Variants in PIEZO1 observed in about 807,000 individuals in gnomAD.
The protein encoded by PIEZO1 is piezo type mechanosensitive ion channel component 1 (Er blood group), also known as piezo-type mechanosensitive ion channel component 1.
Under a neutral mutation model 297.2 loss-of-function variants are expected in PIEZO1, and 296 were observed. The observed-to-expected ratio is 1.00, with a 90% CI of 0.91 to 1.10. PIEZO1 has a LOEUF of 1.10. PIEZO1 is among the 50% of genes least tolerant of loss of function. The pLI is 0.00. For synonymous variants in PIEZO1, 2,427 were observed against 1,507.5 expected, an observed-to-expected ratio of 1.61 and a Z score of -14.13; for missense variants, 5,018 against 3,455.5, an observed-to-expected ratio of 1.45 and a Z score of -11.34.
chr16:88,722,076 G>A lies in PIEZO1; in HGVS notation c.4956-10C>T, dbSNP rs1190420258. On this transcript the variant is annotated splice_polypyrimidine_tract_variant and intron_variant, in intron 36 of 50. Coordinates refer to ENST00000301015, the MANE Select transcript of PIEZO1 (RefSeq NM_001142864.4). ...TGGGATGCGCAGGCGCCTACAGGGA[G>A]ACCCGCGTGTTTGGGGGAGTCTGGG... The A allele has an allele frequency of 1.3e-6, 2 of 1,541,454 alleles. No homozygotes were observed. The highest frequency in any genetic ancestry group is 1.4e-5 in the African/African-American group (1 of 72,844).
At chr16:88,756,819 G>A (rs965961997) in intron 1 of PIEZO1, among the ~76,000 whole-genome samples, 1 of 151,990 alleles carries the variant, frequency 6.6e-6, no homozygotes, top group Non-Finnish European at 1.5e-5. Context: ...GCTCATGCCT[G>A]TAATCCCAGC....
intron 1 of PIEZO1, among the ~76,000 whole-genome samples, chr16:88,753,425 A>G (rs1280064247): frequency 1.3e-5 from 2 of 150,348 alleles, no homozygotes; most frequent in African/African-American, 4.9e-5. Context: ...CAGCCTTGCC[A>G]CAGACACCAA....
chr16:88,733,188 C>A, intron 19 of PIEZO1, 90 bp downstream of exon 19: 1 of 1,243,422 alleles, frequency 8.0e-7, no homozygotes, highest in Non-Finnish European at 1.1e-6. Context: ...GCTGGCCCCA[C>A]TGCACTGAGG....
intron 2 of PIEZO1, chr16:88,743,318 C>A: frequency 2.2e-6 from 1 of 456,144 alleles, no homozygotes; most frequent in Non-Finnish European, 4.4e-6. Context: ...CCACCGGGTT[C>A]TGAGTCCTGA....
At chr16:88,769,776 G>A (rs1701419948) in intron 1 of PIEZO1, among the ~76,000 whole-genome samples, 2 of 145,928 alleles carry the variant, frequency 1.4e-5, no homozygotes, top group South Asian at 4.9e-4. Flanking sequence ...GAGCGTGGTG[G>A]GAAACAGGGA....
At chr16:88,716,774 A>G (rs1375179776) in intron 46 of PIEZO1, 32 bp downstream of exon 46, 1 of 1,549,326 alleles carries the variant, frequency 6.5e-7, no homozygotes, top group East Asian at 2.4e-5. Context: ...CCGCCTCCCC[A>G]CACCAGCTTT....
At chr16:88,724,019 C>A in intron 30 of PIEZO1, 48 bp from the exon 31 acceptor site, 1 of 1,141,302 alleles carries the variant, frequency 8.8e-7, no homozygotes. Flanking sequence ...AGGGAGACTC[C>A]CAGCCAGACC....
chr16:88,723,770 G>A (rs964836840), intron 31 of PIEZO1, 101 bp downstream of exon 31: 7 of 671,168 alleles, frequency 1.0e-5, no homozygotes, highest in Middle Eastern at 6.0e-4. Context: ...GAGGAGCTCG[G>A]CTCCCAGGCC....
intron 2 of PIEZO1, among the ~76,000 whole-genome samples, chr16:88,748,900 T>A (rs1286862152): frequency 3.2e-5 from 4 of 124,428 alleles, no homozygotes; most frequent in East Asian, 5.0e-4. Flanking sequence ...GCCACTGCAC[T>A]CCAGCCTGGG....
Position 88,716,381 on chromosome 16 carries a change from C to T in PIEZO1, c.7029G>A (p.Glu2343=), listed in dbSNP as rs754766447. ...TARRQLASLL[E]GTSDQSVVIP... The stretch of plus-strand genomic sequence containing the variant: ...CTCACACAGACTGGTCCGAGGTGCC[C>T]TCGAGCAGGCTGGCCAGCTGCCGCC... Residue 2343 remains glutamate, a synonymous_variant, in exon 48 of 51, where the codon GAG becomes GAA. Transcript: ENST00000301015. 1.8e-5 allele frequency: 28 copies of T among 1,545,420 alleles called. No homozygotes were observed. The South Asian group carries it at 2.0e-4, about 11-fold the overall frequency.
chr16:88,773,188 C>T (rs1907503461), intron 1 of PIEZO1, among the ~76,000 whole-genome samples: 1 of 152,268 alleles, frequency 6.6e-6, no homozygotes. Context: ...GCTGAGCCTC[C>T]CCCTCTGGCC....
intron 5 of PIEZO1, chr16:88,740,023 C>G (rs1185156809): frequency 6.9e-6 from 1 of 145,758 alleles, no homozygotes. Context: ...CCGGCCCTGA[C>G]TTGGGGTGTG....
rs144103925 is a variant in PIEZO1 at position 88,767,918 on chromosome 16, G to C, written c.64+16983C>G. On this transcript the variant is annotated intron_variant, in intron 1 of 50. Coordinates refer to ENST00000301015, the MANE Select transcript of PIEZO1 (RefSeq NM_001142864.4). ...ACCCCCAAGCCCTCGCAGACTTCCC[G>C]GGCTCCCTGACAGCACGAGACTCAC... 7.2e-5 allele frequency among the ~76,000 whole-genome samples: 11 copies of C among 152,194 alleles called. 1 individual carries two copies. In the East Asian group the frequency reaches 2.1e-3, roughly 29 times the overall value.
Position 88,737,601 on chromosome 16 carries a change from C to G in PIEZO1, c.1153G>C (p.Val385Leu). 1 of 1,534,888 alleles carries G rather than the reference C, an allele frequency of 6.5e-7. No homozygotes were observed. The highest frequency in any genetic ancestry group is 1.2e-5 in the South Asian group (1 of 84,030). Residue 385 changes from valine to leucine, a missense_variant, in exon 10 of 51, where the codon GTG becomes CTG. Physicochemically the swap from Val to Leu is conservative, Grantham distance 32. Transcript: ENST00000301015. The part of the protein sequence containing the change: ...APDTEADNCI[V>L]HELTGQSSVL... ...GAGCTCTGGCCGGTCAGCTCGTGCA[C>G]GATGCAGTTATCAGCCTCGGTGTCG...
intron 36 of PIEZO1, 54 bp from the exon 37 acceptor site, chr16:88,722,120 G>C (rs566708175): frequency 3.7e-5 from 56 of 1,525,276 alleles, no homozygotes; most frequent in Non-Finnish European, 4.8e-5. Flanking sequence ...AAGGCATGAC[G>C]GCCCGATCTG....
chr16:88,761,961 G>C (rs1005830733), intron 1 of PIEZO1, among the ~76,000 whole-genome samples: 1 of 152,198 alleles, frequency 6.6e-6, no homozygotes, highest in Admixed American at 6.5e-5. Flanking sequence ...GACTCTCTGC[G>C]CAGGTGGGTT....
intron 1 of PIEZO1, among the ~76,000 whole-genome samples, chr16:88,779,036 CTT>C (rs34383297): frequency 1.3e-4 from 17 of 135,118 alleles, no homozygotes; most frequent in Admixed American, 2.2e-4. Context: ...TACGACTTCA[CTT>C]TTTTTTTTTT....
chr16:88,749,297 G>T, intron 2 of PIEZO1, 87 bp downstream of exon 2: 1 of 844,168 alleles, frequency 1.2e-6, no homozygotes, highest in Non-Finnish European at 1.7e-6. Flanking sequence ...GGCTGTTAAA[G>T]GTGAGGAAAG....
At chr16:88,717,493 G>GAATGA (rs1214087261) in intron 44 of PIEZO1, 25 of 587,784 alleles carry the variant, frequency 4.3e-5, no homozygotes, top group Non-Finnish European at 7.7e-5. Context: ...CCAGGCAGGA[G>GAATGA]AATGAAACGC....
Sources: allele counts gnomAD v4.1 joint callset (sites outside exome capture counted in the v4.1 genomes callset), GRCh38; gene constraint gnomAD v4.1.1; transcripts MANE v1.5; gene names NCBI Gene and HGNC (gene_info 2026-07-23, HGNC 2026-07-21).